The following GALNT1 variants were observed in gnomAD, a reference collection of about 807,000 sequenced individuals.
GALNT1 encodes the protein polypeptide N-acetylgalactosaminyltransferase 1.
GALNT1 carries 17 observed loss-of-function variants against 65.7 expected under a neutral mutation model. The ratio of observed to expected loss-of-function variants is 0.26; its 90% CI spans 0.18 to 0.39. The LOEUF is 0.39. Ranked by LOEUF, GALNT1 falls within the 10% of genes least tolerant of loss-of-function variation. The pLI is 1.00. For synonymous variants in GALNT1, 210 were observed against 219.7 expected (o/e 0.96, Z 0.39); for missense variants, 460 against 672.8 (o/e 0.68, Z 3.50).
chr18:35,599,365 A>G lies in GALNT1; in HGVS notation c.-104+17503A>G, dbSNP rs1427427948. 5.0e-3 allele frequency among the ~76,000 whole-genome samples: 426 copies of G among 85,302 alleles called. 2 individuals are homozygous for G. Among genetic ancestry groups the G allele is most frequent in the African/African-American group, 0.022 (400 of 18,272 alleles). The allele number at this position is 85,302 out of a possible 152,430, so 56.0% of individuals were successfully genotyped here. A position where few individuals can be genotyped will look rare whatever the true frequency, so the allele number is the denominator to read the frequency against. ...TAATAGTTTCAGGTATGAGATTTAC[A>G]CTTTTTTTTTTTTTTTTTTTTAAGA... On this transcript the variant is annotated intron_variant, in intron 1 of 11. Coordinates refer to ENST00000269195, the MANE Select transcript of GALNT1 (RefSeq NM_020474.4).
chr18:35,665,969 T>C (rs745849652), intron 3 of GALNT1, among the ~76,000 whole-genome samples: 1 of 151,978 alleles, frequency 6.6e-6, no homozygotes, highest in Non-Finnish European at 1.5e-5. Flanking sequence ...CAGAAGGTGA[T>C]GAAGGGAGAG....
At position 35,618,035 on chromosome 18, in the gene GALNT1, C is replaced by CTT. The variant is rs35456192; in HGVS notation, c.-104+36187_-104+36188dup. On this transcript the variant is annotated intron_variant, in intron 1 of 11. Transcript: ENST00000269195. ...CATCTTTTAAGACTGCTTTGCTGTT[C>CTT]TTTTTTTTTTTTTTTGATAGCCAAG... 4.9e-3 allele frequency among the ~76,000 whole-genome samples: 678 copies of CTT among 138,728 alleles called. 6 individuals are homozygous for CTT. The highest frequency in any genetic ancestry group is 0.016 in the African/African-American group (619 of 38,060). 91.0% of individuals were successfully genotyped at this position (138,728 alleles called of 152,430 possible). A position where few individuals can be genotyped will look rare whatever the true frequency, so the allele number is the denominator to read the frequency against.
Position 35,634,053 on chromosome 18 carries a change from A to C in GALNT1, c.-103-20507A>C, listed in dbSNP as rs535908786. ...ATGACCATTTGAGTTCTTGTTGTGTAAGTATACATGAGAAAGGCTCTCCAT... is the reference window on the plus strand; with the variant it reads ...ATGACCATTTGAGTTCTTGTTGTGTCAGTATACATGAGAAAGGCTCTCCAT... On this transcript the variant is annotated intron_variant, in intron 1 of 11. Transcript: ENST00000269195. Among the ~76,000 whole-genome samples the C allele has an allele frequency of 3.3e-5, 5 of 152,284 alleles. 1 individual carries two copies. The South Asian group carries it at 1.0e-3, about 32-fold the overall frequency.
chr18:35,684,386 C>T (rs1360648165), intron 5 of GALNT1, among the ~76,000 whole-genome samples: 2 of 152,010 alleles, frequency 1.3e-5, no homozygotes, highest in Admixed American at 1.3e-4. Flanking sequence ...GAAAACTCAG[C>T]ATTGGGCCAA....
chr18:35,674,784 C>A (rs2047684147), intron 3 of GALNT1, among the ~76,000 whole-genome samples: 1 of 151,998 alleles, frequency 6.6e-6, no homozygotes, highest in Non-Finnish European at 1.5e-5. Flanking sequence ...AAGATTGAGA[C>A]CGTCCTGGCT....
chr18:35,658,466 A>T (rs1413168480), intron 2 of GALNT1, among the ~76,000 whole-genome samples: 1 of 151,498 alleles, frequency 6.6e-6, no homozygotes, highest in Non-Finnish European at 1.5e-5. Context: ...AGCACAGTTG[A>T]TGCTAATAAG....
chr18:35,624,511 T>C (rs928111230), intron 1 of GALNT1, among the ~76,000 whole-genome samples: 3 of 152,226 alleles, frequency 2.0e-5, no homozygotes, highest in African/African-American at 7.2e-5. Flanking sequence ...AAAATCCAGT[T>C]TGACAATTTA....
At position 35,710,096 on chromosome 18, in the gene GALNT1, C is replaced by G. The variant is rs4506982; in HGVS notation, c.*326C>G. ...AAAATATGCTTTCTGGAGAACTGTA[C>G]CTTTTATGGTTTGCTTGCACATCAG... On this transcript the variant is annotated 3_prime_UTR_variant, in exon 12 of 12. Transcript: ENST00000269195. 4.9e-3 allele frequency: 1,021 copies of G among 207,562 alleles called. 10 individuals are homozygous for G. The highest frequency in any genetic ancestry group is 0.021 in the African/African-American group (931 of 43,952). 12.9% of individuals were successfully genotyped at this position (207,562 alleles called of 1,614,324 possible).
intron 1 of GALNT1, among the ~76,000 whole-genome samples, chr18:35,611,459 T>C (rs1475051652): frequency 1.3e-5 from 2 of 152,368 alleles, no homozygotes; most frequent in Non-Finnish European, 2.9e-5. Context: ...GAAAATTTGC[T>C]ATAATTTGCA....
chr18:35,677,381 T>A (rs974852740), intron 3 of GALNT1, among the ~76,000 whole-genome samples: 2 of 152,214 alleles, frequency 1.3e-5, no homozygotes, highest in South Asian at 2.1e-4. Context: ...ATAAATGACA[T>A]CTTTGAAATA....
At chr18:35,690,822 G>GTTAT (rs1476538027) in intron 7 of GALNT1, among the ~76,000 whole-genome samples, 190 bp from the exon 8 acceptor site, 3 of 152,112 alleles carry the variant, frequency 2.0e-5, no homozygotes, top group Admixed American at 6.6e-5. Context: ...GGTCTTTGCT[G>GTTAT]TTATTTTCAG....
intron 1 of GALNT1, among the ~76,000 whole-genome samples, chr18:35,611,481 G>T (rs2046716208): frequency 6.6e-6 from 1 of 152,204 alleles, no homozygotes. Flanking sequence ...CAACCTTAGA[G>T]AAATATTTAT....
intron 9 of GALNT1, among the ~76,000 whole-genome samples, chr18:35,696,278 G>A (rs1044800662): frequency 2.6e-5 from 4 of 152,198 alleles, no homozygotes; most frequent in Non-Finnish European, 5.9e-5. Context: ...GCCTTCCTTT[G>A]CTAGCAACAG....
At chr18:35,672,986 G>A (rs561269194) in intron 3 of GALNT1, among the ~76,000 whole-genome samples, 56 of 152,264 alleles carry the variant, frequency 3.7e-4, no homozygotes, top group Middle Eastern at 6.8e-3. Context: ...AGTGAAATTT[G>A]AACCTAGGTC....
In GALNT1 at chr18:35,710,409, A is replaced by G. The variant is rs2048334762; in HGVS notation, c.*639A>G. The G allele has an allele frequency of 1.3e-5, 2 of 152,368 alleles. No homozygotes were observed. Among genetic ancestry groups the G allele is most frequent in the African/African-American group, 4.8e-5 (2 of 41,374 alleles). The allele number at this position is 152,368 out of a possible 1,614,324, so 9.4% of individuals were successfully genotyped here. ...AAAATAACTGATTCCAATGACATTC[A>G]TTTTGTTTTCATCTGTGATAGTCAT... is the stretch of plus-strand genomic sequence containing the variant. On this transcript the variant is annotated 3_prime_UTR_variant, in exon 12 of 12. Transcript: ENST00000269195.
chr18:35,608,583 C>A (rs1302214788), intron 1 of GALNT1, among the ~76,000 whole-genome samples: 1 of 152,134 alleles, frequency 6.6e-6, no homozygotes, highest in Non-Finnish European at 1.5e-5. Flanking sequence ...TTTGTTTCTT[C>A]ATTTAATAAA....
chr18:35,621,366 T>G lies in GALNT1; in HGVS notation c.-103-33194T>G, dbSNP rs1412387639. 2.7e-5 allele frequency among the ~76,000 whole-genome samples: 4 copies of G among 146,912 alleles called. 1 individual carries two copies. The highest frequency in any genetic ancestry group is 6.0e-5 in the Non-Finnish European group (4 of 67,142). On this transcript the variant is annotated intron_variant, in intron 1 of 11. Coordinates refer to ENST00000269195, the MANE Select transcript of GALNT1 (RefSeq NM_020474.4). ...GCTAATTTTCTTTTTTTTTACTTTT[T>G]GCTTTTTGTAGAGATGCGGTCTTCC...
At chr18:35,624,627 CT>C (rs1204029118) in intron 1 of GALNT1, among the ~76,000 whole-genome samples, 1 of 151,872 alleles carries the variant, frequency 6.6e-6, no homozygotes, top group Non-Finnish European at 1.5e-5. Flanking sequence ...TTTTAAATTC[CT>C]TTCTCATTTT....
intron 1 of GALNT1, chr18:35,627,419 A>AT (rs1442684076): frequency 3.3e-5 from 5 of 152,144 alleles, no homozygotes; most frequent in Non-Finnish European, 7.4e-5. Context: ...TAGGACATTC[A>AT]TTTTTCAACA....
Sources: gnomAD v4.1 joint callset for allele counts (sites outside exome capture counted in the v4.1 genomes callset) on GRCh38, gnomAD v4.1.1 for gene constraint, MANE v1.5 for transcripts, NCBI Gene and HGNC (gene_info 2026-07-23, HGNC 2026-07-21) for gene names.